ZNF600: variants seen among roughly 807,000 people sequenced by gnomAD.
ZNF600 encodes the protein zinc finger protein 600, also known as zinc finger protein KR-ZNF1.
ZNF600 carries 4 observed loss-of-function variants against 7.3 expected under a neutral mutation model. That is an observed-to-expected ratio of 0.55 (90% CI 0.27 to 1.25). ZNF600 has a LOEUF of 1.25. ZNF600 is among the 50% of genes most tolerant of loss of function. The pLI is 0.12. For synonymous variants in ZNF600, 290 were observed against 308.9 expected (o/e 0.94, Z 0.64); for missense variants, 911 against 922.1 (o/e 0.99, Z 0.16).
chr19:52,780,401 G>T (rs1159548907), intron 1 of ZNF600, among the ~76,000 whole-genome samples, 180 bp downstream of exon 3: 3 of 152,126 alleles, frequency 2.0e-5, no homozygotes, highest in African/African-American at 7.2e-5. Flanking sequence ...GAGTCCTAGA[G>T]AGAGGGACAG....
At chr19:52,778,211 A>G (rs2049396769) in intron 2 of ZNF600, among the ~76,000 whole-genome samples, 3 of 151,942 alleles carry the variant, frequency 2.0e-5, no homozygotes, top group Non-Finnish European at 4.4e-5. Context: ...GTGGGGTTTC[A>G]CCATGTTGGC....
At chr19:52,794,347 G>T in the ZNF600 span, among the ~76,000 whole-genome samples, 8,371 of 152,168 alleles carry the variant, frequency 0.055, 281 homozygotes, top group African/African-American at 0.09. Flanking sequence ...CACTTATTTG[G>T]CAAAGTATTT....
At chr19:52,780,475 G>A (rs1379921074) in intron 1 of ZNF600, among the ~76,000 whole-genome samples, 106 bp downstream of exon 3, 4 of 152,210 alleles carry the variant, frequency 2.6e-5, no homozygotes, top group Non-Finnish European at 5.9e-5. Context: ...GACCAGTGGG[G>A]CTGGAACAGT....
chr19:52,793,948 T>A, the ZNF600 span, among the ~76,000 whole-genome samples: 2 of 152,272 alleles, frequency 1.3e-5, no homozygotes, highest in South Asian at 4.1e-4. Context: ...TTTGGCTAAG[T>A]CCCCAGAAGT....
chr19:52,794,400 C>A, the ZNF600 span, among the ~76,000 whole-genome samples: 1 of 152,152 alleles, frequency 6.6e-6, no homozygotes, highest in African/African-American at 2.4e-5. Flanking sequence ...TGGTCTTATT[C>A]CTCACCTGTA....
chr19:52,813,154 C>A, the ZNF600 span, among the ~76,000 whole-genome samples: 1 of 144,728 alleles, frequency 6.9e-6, no homozygotes, highest in Non-Finnish European at 1.5e-5. Flanking sequence ...TGACGCTACT[C>A]ATAGTAATTG....
the ZNF600 span, among the ~76,000 whole-genome samples, chr19:52,820,588 C>T: frequency 6.6e-6 from 1 of 151,960 alleles, no homozygotes; most frequent in Non-Finnish European, 1.5e-5. Flanking sequence ...CCCCGCTGTG[C>T]TTCTCCCTCT....
In ZNF600 at chr19:52,767,856, A is replaced by C. The variant is rs570524334; in HGVS notation, c.191-84T>G. The C allele has an allele frequency of 6.9e-6, 10 of 1,454,644 alleles. No homozygotes were observed. The African/African-American group carries it at 1.0e-4, about 15-fold the overall frequency. The allele number at this position is 1,454,644 out of a possible 1,614,324, so 90.1% of individuals were successfully genotyped here. ...AGTGTGTAAATATGACACAAAAAAC[A>C]ATACTTATTTTGAACTTCCCAAATA... On this transcript the variant is annotated intron_variant, in intron 3 of 3. Transcript: ENST00000648973.
At chr19:52,775,798 G>C (rs1465639767) in intron 2 of ZNF600, among the ~76,000 whole-genome samples, 4 of 152,076 alleles carry the variant, frequency 2.6e-5, no homozygotes, top group African/African-American at 9.7e-5. Context: ...CACGAGGTCA[G>C]GAGTTTGAGA....
the ZNF600 span, chr19:52,810,645 CA>C: frequency 7.8e-7 from 1 of 1,279,476 alleles, no homozygotes; most frequent in South Asian, 1.2e-5. Flanking sequence ...GTTTTAACAG[CA>C]GGCTCTGGGG....
chr19:52,818,148 A>G, the ZNF600 span: 1 of 1,106,622 alleles, frequency 9.0e-7, no homozygotes, highest in Non-Finnish European at 1.2e-6. Context: ...TATGCTGCCT[A>G]CCGCACCACG....
At chr19:52,792,241 C>T in the ZNF600 span, among the ~76,000 whole-genome samples, 45 of 152,252 alleles carry the variant, frequency 3.0e-4, 1 homozygote, top group Middle Eastern at 3.4e-3. Context: ...GCAATGTGGA[C>T]CAGAGGTAGG....
chr19:52,796,603 C>T, the ZNF600 span, among the ~76,000 whole-genome samples: 1 of 152,156 alleles, frequency 6.6e-6, no homozygotes, highest in African/African-American at 2.4e-5. Flanking sequence ...AGAAGCTGAA[C>T]CAGCAGACAT....
upstream of ZNF600, among the ~76,000 whole-genome samples, chr19:52,787,110 A>G (rs1247633905): frequency 2.0e-5 from 3 of 152,244 alleles, no homozygotes; most frequent in Non-Finnish European, 4.4e-5. Context: ...CTCCCTTTCT[A>G]TTCTCCATTC....
intron 3 of ZNF600, among the ~76,000 whole-genome samples, chr19:52,768,424 A>G (rs1335435887): frequency 1.3e-5 from 2 of 150,346 alleles, no homozygotes; most frequent in Non-Finnish European, 3.0e-5. Context: ...TGGGTGACAA[A>G]GTGAGACTCC....
chr19:52,781,925 G>A (rs1251977764), intron 1 of ZNF600, among the ~76,000 whole-genome samples: 1 of 152,148 alleles, frequency 6.6e-6, no homozygotes, highest in African/African-American at 2.4e-5. Context: ...GCCAGGCGTA[G>A]GGGTGTATGC....
chr19:52,784,113 G>A (rs2147580326), intron 1 of ZNF600, among the ~76,000 whole-genome samples: 1 of 152,266 alleles, frequency 6.6e-6, no homozygotes, highest in East Asian at 1.9e-4. Context: ...GGTAGGCCCG[G>A]CATGGCGGCT....
chr19:52,831,880 C>T, the ZNF600 span, among the ~76,000 whole-genome samples: 71 of 152,160 alleles, frequency 4.7e-4, no homozygotes, highest in South Asian at 0.014. Context: ...GCACCCGACT[C>T]AGCCTCCCAA....
chr19:52,792,388 A>C, the ZNF600 span, among the ~76,000 whole-genome samples: 1 of 152,086 alleles, frequency 6.6e-6, no homozygotes. Flanking sequence ...TCCCTGACAT[A>C]GATGCATGTC....
Sources: gnomAD v4.1 joint callset for allele counts (sites outside exome capture counted in the v4.1 genomes callset) on GRCh38, gnomAD v4.1.1 for gene constraint, MANE v1.5 for transcripts, NCBI Gene and HGNC (gene_info 2026-07-23, HGNC 2026-07-21) for gene names.